The following GBF1 variants were observed in gnomAD, a reference collection of about 807,000 sequenced individuals.
GBF1 encodes the protein Golgi-specific brefeldin A-resistance guanine nucleotide exchange factor 1.
Under a neutral mutation model 210.5 loss-of-function variants are expected in GBF1, and 114 were observed. That is an observed-to-expected ratio of 0.54 (90% CI 0.47 to 0.63). GBF1 has a LOEUF of 0.63. GBF1 is among the 30% of genes least tolerant of loss of function. The pLI is 0.00. For synonymous variants in GBF1, 850 were observed against 889.2 expected, an observed-to-expected ratio of 0.96 and a Z score of 0.78; for missense variants, 1,851 against 2,357.7, an observed-to-expected ratio of 0.79 and a Z score of 4.45.
chr10:102,362,767 C>T, intron 15 of GBF1, 103 bp downstream of exon 15: 1 of 811,440 alleles, frequency 1.2e-6, no homozygotes, highest in African/African-American at 1.7e-5. Flanking sequence ...CCCTGGGATG[C>T]TCCCAATTCT....
the GBF1 span, among the ~76,000 whole-genome samples, chr10:102,235,925 T>C: frequency 2.6e-5 from 4 of 152,262 alleles, no homozygotes; most frequent in East Asian, 3.9e-4. Flanking sequence ...GGGAGCCACT[T>C]TGGGGACAAG....
rs747936045 is a variant in GBF1, at chr10:102,379,424, T to G, written c.4635T>G (p.Pro1545=). The G allele has an allele frequency of 1.2e-6, 2 of 1,614,028 alleles. No homozygotes were observed. The highest frequency in any genetic ancestry group is 1.7e-6 in the Non-Finnish European group (2 of 1,179,998). ...CCCTCTGGGCCCACTGCTGGTGCCCTTTACTGCAGGGTAAACCAGGAGGGG... is the reference window on the plus strand; with the variant it reads ...CCCTCTGGGCCCACTGCTGGTGCCCGTTACTGCAGGGTAAACCAGGAGGGG... The part of the protein sequence containing the change: ...SRTLWAHCWC[P]LLQGIACLCC... Residue 1545 remains proline (P), a synonymous_variant, in exon 34 of 40, where the codon CCT becomes CCG. Transcript: ENST00000369983.
intron 3 of GBF1, among the ~76,000 whole-genome samples, chr10:102,272,569 G>T (rs2074547041): frequency 6.6e-6 from 1 of 152,072 alleles, no homozygotes; most frequent in African/African-American, 2.4e-5. Flanking sequence ...TTTACCTAAT[G>T]GTTATCCACT....
chr10:102,283,858 T>C (rs1175734636), intron 3 of GBF1, among the ~76,000 whole-genome samples: 1 of 152,150 alleles, frequency 6.6e-6, no homozygotes, highest in African/African-American at 2.4e-5. Flanking sequence ...GGAGGAAATT[T>C]CTTACTGTGG....
chr10:102,327,715 G>A (rs1319257388), intron 3 of GBF1, among the ~76,000 whole-genome samples: 5 of 152,170 alleles, frequency 3.3e-5, no homozygotes, highest in African/African-American at 1.2e-4. Context: ...GTGGTCATCC[G>A]TCACAAGAAG....
the GBF1 span, among the ~76,000 whole-genome samples, chr10:102,237,229 CTG>C: frequency 6.6e-6 from 1 of 152,096 alleles, no homozygotes; most frequent in African/African-American, 2.4e-5. Context: ...GACTCCCAGA[CTG>C]TGGGAGATCA....
At position 102,370,219 on chromosome 10, in the gene GBF1, C is replaced by T; in HGVS notation, c.3385C>T (p.Leu1129=). ...GATCACAGAAAGCAAGTTCCTCCAGCTGGAGTCACTACAGGAGCTCATGAA... is the reference window on the plus strand; with the variant it reads ...GATCACAGAAAGCAAGTTCCTCCAGTTGGAGTCACTACAGGAGCTCATGAA... The part of the protein sequence containing the change: ...KMITESKFLQ[L]ESLQELMKAL... Residue 1129 remains leucine, a synonymous_variant, in exon 27 of 40, where the codon CTG becomes TTG. Coordinates refer to ENST00000369983, the MANE Select transcript of GBF1 (RefSeq NM_001377137.1). 1 of 1,611,788 alleles carries T rather than the reference C, an allele frequency of 6.2e-7. No individual in the cohort carries two copies. Among genetic ancestry groups the T allele is most frequent in the Non-Finnish European group, 8.5e-7 (1 of 1,177,910 alleles).
At chr10:102,260,473 CTTCTTTTTTTTTT>C (rs1158765469) in intron 3 of GBF1, among the ~76,000 whole-genome samples, 3 of 74,788 alleles carry the variant, frequency 4.0e-5, no homozygotes, top group African/African-American at 7.0e-5. Flanking sequence ...ATTTTCCTTT[CTTCTTTTTTTTTT>C]TTTTTTTTTT....
At position 102,370,829 on chromosome 10, in the gene GBF1, G is replaced by C. The variant is rs2060167362; in HGVS notation, c.3629G>C (p.Arg1210Pro). 6.2e-7 allele frequency: 1 copy of C among 1,614,002 alleles called. No homozygotes were observed. Among genetic ancestry groups the C allele is most frequent in the Non-Finnish European group, 8.5e-7 (1 of 1,179,984 alleles). The change falls in exon 29 of 40, where the codon CGG becomes CCG. Residue 1210 changes from arginine (R) to proline (P), a missense_variant. Coordinates refer to ENST00000369983, the MANE Select transcript of GBF1 (RefSeq NM_001377137.1). ...AVVGLLRLAI[R>P]LLRREEISAQ... ...GTGGGGTTGCTACGCCTGGCCATTCGGCTTCTCCGGAGAGAAGAGATCAGT... is the reference window on the plus strand; with the variant it reads ...GTGGGGTTGCTACGCCTGGCCATTCCGCTTCTCCGGAGAGAAGAGATCAGT...
chr10:102,305,744 A>G lies in GBF1; in HGVS notation c.164-38307A>G, dbSNP rs776921706. 4.5e-4 allele frequency among the ~76,000 whole-genome samples: 68 copies of G among 152,364 alleles called. 1 individual carries two copies. The highest frequency in any genetic ancestry group is 8.7e-4 in the Non-Finnish European group (59 of 68,042). ...AAAAAAAGAAAAAAGAAAAAAAGAA[A>G]TAAATTCGAGTCCTTTCATTGTGTT... is the stretch of plus-strand genomic sequence containing the variant. On this transcript the variant is annotated intron_variant, in intron 3 of 39. Transcript: ENST00000369983.
chr10:102,373,393 G>A (rs1417626294), intron 29 of GBF1, among the ~76,000 whole-genome samples: 1 of 152,158 alleles, frequency 6.6e-6, no homozygotes, highest in African/African-American at 2.4e-5. Flanking sequence ...TGGCCAACAT[G>A]GTGAAACCAT....
At chr10:102,282,585 C>T (rs1456722443) in intron 3 of GBF1, among the ~76,000 whole-genome samples, 1 of 152,162 alleles carries the variant, frequency 6.6e-6, no homozygotes, top group African/African-American at 2.4e-5. Flanking sequence ...AAACCCCTTT[C>T]TCTTTGATTC....
Position 102,362,555 on chromosome 10 carries a change from C to T in GBF1, c.1767C>T (p.Thr589=), listed in dbSNP as rs147108774. Residue 589 remains threonine, a synonymous_variant, in exon 15 of 40, where the codon ACC becomes ACT. Transcript: ENST00000369983. ...LDALLTVIDS[T]EAHCQAKVLN... ...CCCTATTGACAGTGATTGACAGCAC[C>T]GAGGCCCACTGCCAGGCTAAAGTCC... 7.4e-6 allele frequency: 12 copies of T among 1,613,572 alleles called. No individual in the cohort carries two copies. The highest frequency in any genetic ancestry group is 2.2e-5 in the East Asian group (1 of 44,894).
chr10:102,323,292 T>C (rs2056601558), intron 3 of GBF1, among the ~76,000 whole-genome samples: 1 of 148,920 alleles, frequency 6.7e-6, no homozygotes, highest in East Asian at 2.0e-4. Flanking sequence ...GCCTTTTTAG[T>C]GCCTGGGCAT....
Position 102,370,419 on chromosome 10 carries a change from T to C in GBF1, c.3447T>C (p.Tyr1149=). 6.2e-7 allele frequency: 1 copy of C among 1,613,242 alleles called. No individual in the cohort carries two copies. ...LVSVTPDEET[Y]DEEDAAFCLE... ...CAGTGACACCAGATGAAGAGACATA[T>C]GATGAGGAAGATGCTGCTTTCTGCC... The change falls in exon 28 of 40, where the codon TAT becomes TAC. Residue 1149 remains tyrosine (Y), a synonymous_variant. Transcript: ENST00000369983.
chr10:102,300,343 G>A (rs527756156), intron 3 of GBF1, among the ~76,000 whole-genome samples: 12 of 152,134 alleles, frequency 7.9e-5, no homozygotes, highest in Non-Finnish European at 1.6e-4. Context: ...CTTCCTGCCA[G>A]CCATAGTCTC....
chr10:102,314,566 A>G (rs2078769500), intron 3 of GBF1, among the ~76,000 whole-genome samples: 1 of 152,138 alleles, frequency 6.6e-6, no homozygotes, highest in South Asian at 2.1e-4. Flanking sequence ...TAAATTCTTT[A>G]TCAGTAGACA....
intron 3 of GBF1, among the ~76,000 whole-genome samples, chr10:102,272,112 A>ATT (rs200740272): frequency 7.3e-4 from 108 of 147,100 alleles, no homozygotes; most frequent in African/African-American, 1.5e-3. Flanking sequence ...GCAATTGTTG[A>ATT]TTTTTTTTTT....
At chr10:102,283,759 G>A (rs12779689) in intron 3 of GBF1, among the ~76,000 whole-genome samples, 6 of 152,128 alleles carry the variant, frequency 3.9e-5, no homozygotes, top group Non-Finnish European at 5.9e-5. Context: ...GGGGAAAAAC[G>A]TGGGAGGATC....
Sources: gnomAD v4.1 joint callset for allele counts (sites outside exome capture counted in the v4.1 genomes callset) on GRCh38, gnomAD v4.1.1 for gene constraint, MANE v1.5 for transcripts, NCBI Gene and HGNC (gene_info 2026-07-23, HGNC 2026-07-21) for gene names.